XKR6: variants seen among roughly 807,000 people sequenced by gnomAD.
The protein encoded by XKR6 is XK-related protein 6.
In XKR6, 22 loss-of-function variants were observed where a neutral mutation model predicts 56.7. The ratio of observed to expected loss-of-function variants is 0.39; its 90% CI spans 0.28 to 0.55. XKR6 has a LOEUF of 0.55. Among genes scored for constraint, XKR6 ranks in the 20% least tolerant of loss-of-function variants. The probability of loss-of-function intolerance (pLI) is 0.66; values close to 1 mark genes in which losing one functional copy is unlikely to be tolerated. For synonymous variants in XKR6, 524 were observed against 387.8 expected (o/e 1.35, Z -4.13); for missense variants, 852 against 889.0 (o/e 0.96, Z 0.53).
Position 11,201,322 on chromosome 8 carries a change from A to G in XKR6, c.18T>C (p.Asp6=). 7.4e-7 allele frequency: 1 copy of G among 1,356,564 alleles called. No individual in the cohort carries two copies. Among genetic ancestry groups the G allele is most frequent in the East Asian group, 4.7e-5 (1 of 21,394 alleles). The allele number at this position is 1,356,564 out of a possible 1,614,324, so 84.0% of individuals were successfully genotyped here. ...CGAAGCCCACCCCCACGCCACCGCC[A>G]TCGGATTTCGCCGCCATCTTGACTC... The part of the protein sequence containing the change: MAAKS[D]GGGVGVGFAQ... Residue 6 remains aspartate (D), a synonymous_variant, in exon 1 of 3, where the codon GAT becomes GAC. Coordinates refer to ENST00000416569, the MANE Select transcript of XKR6 (RefSeq NM_173683.4).
chr8:11,125,669 A>C (rs1190420217), intron 1 of XKR6: 1 of 152,204 alleles, frequency 6.6e-6, no homozygotes, highest in Non-Finnish European at 1.5e-5. Flanking sequence ...ATTGCAGTAC[A>C]AATTCCATAC....
intron 1 of XKR6, among the ~76,000 whole-genome samples, chr8:10,985,070 G>A (rs1025676074): frequency 1.3e-5 from 2 of 151,962 alleles, no homozygotes; most frequent in African/African-American, 4.8e-5. Context: ...CTCCAGAGTA[G>A]CTGGGATTAC....
chr8:11,164,435 A>C (rs757516422), intron 1 of XKR6, among the ~76,000 whole-genome samples: 10 of 152,118 alleles, frequency 6.6e-5, no homozygotes, highest in Non-Finnish European at 1.5e-4. Flanking sequence ...ACGTTATTCT[A>C]AGTCTTCTCC....
At chr8:10,978,341 T>C (rs978463016) in intron 1 of XKR6, among the ~76,000 whole-genome samples, 2 of 152,228 alleles carry the variant, frequency 1.3e-5, no homozygotes, top group African/African-American at 4.8e-5. Context: ...CACTGGCCAA[T>C]TTGAGAAACT....
At chr8:10,942,564 C>T (rs1173498562) in intron 1 of XKR6, among the ~76,000 whole-genome samples, 1 of 152,236 alleles carries the variant, frequency 6.6e-6, no homozygotes, top group African/African-American at 2.4e-5. Context: ...AAAAGCCAAA[C>T]TCACATTCAG....
intron 1 of XKR6, among the ~76,000 whole-genome samples, chr8:10,984,732 C>CTCTCTCTCTCTCTCTCTCTA: frequency 2.1e-5 from 1 of 47,494 alleles, no homozygotes; most frequent in Non-Finnish European, 4.2e-5. Context: ...CTCTCTCTCT[C>CTCTCTCTCTCTCTCTCTCTA]TATATATATA....
chr8:11,106,641 G>T (rs529446717), intron 1 of XKR6: 1 of 152,166 alleles, frequency 6.6e-6, no homozygotes, highest in Non-Finnish European at 1.5e-5. Context: ...TTGAGGTCAG[G>T]AGTTCAAGAT....
intron 1 of XKR6, among the ~76,000 whole-genome samples, chr8:10,998,859 C>G (rs915120820): frequency 6.6e-6 from 1 of 152,184 alleles, no homozygotes; most frequent in African/African-American, 2.4e-5. Flanking sequence ...AGCATGGCAG[C>G]AAGGGAGAAG....
intron 1 of XKR6, among the ~76,000 whole-genome samples, chr8:10,998,531 C>G (rs1798167260): frequency 6.6e-6 from 1 of 152,182 alleles, no homozygotes. Flanking sequence ...AAATTTGATT[C>G]AGATTTATTA....
chr8:10,897,988 G>T lies in XKR6; in HGVS notation c.1890C>A (p.Leu630=). Residue 630 remains leucine, a synonymous_variant, in exon 3 of 3, where the codon CTC becomes CTA. Coordinates refer to ENST00000416569, the MANE Select transcript of XKR6 (RefSeq NM_173683.4). ...AVGIRYRDGP[L]LYELLQYESS... ...ACTCATACTGTAGCAACTCATAGAG[G>T]AGTGGTCCGTCTCGATATCGAATGC... 1 of 1,606,606 alleles carries T rather than the reference G, an allele frequency of 6.2e-7. No homozygotes were observed. The highest frequency in any genetic ancestry group is 8.5e-7 in the Non-Finnish European group (1 of 1,176,732).
At chr8:11,061,823 C>T (rs1371027267) in intron 1 of XKR6, among the ~76,000 whole-genome samples, 2 of 152,144 alleles carry the variant, frequency 1.3e-5, no homozygotes, top group Non-Finnish European at 1.5e-5. Flanking sequence ...GGAGGGCAGC[C>T]ATCGGTGATG....
chr8:11,100,519 G>A (rs1798430948), intron 1 of XKR6, among the ~76,000 whole-genome samples: 2 of 152,200 alleles, frequency 1.3e-5, no homozygotes, highest in South Asian at 4.1e-4. Context: ...CGAAGTGGCT[G>A]GGAGGATGGC....
chr8:11,114,093 C>A, intron 1 of XKR6: 1 of 441,412 alleles, frequency 2.3e-6, no homozygotes, highest in Non-Finnish European at 4.5e-6. Context: ...TCGCTTAGAG[C>A]TAAAAATAAA....
At chr8:10,970,633 G>GTGTT (rs1481448904) in intron 1 of XKR6, among the ~76,000 whole-genome samples, 1 of 151,976 alleles carries the variant, frequency 6.6e-6, no homozygotes, top group Admixed American at 6.6e-5. Context: ...GTGATTCTCA[G>GTGTT]TGTTTTTCCT....
At chr8:10,993,871 C>T (rs73539338) in intron 1 of XKR6, among the ~76,000 whole-genome samples, 5,262 of 152,304 alleles carry the variant, frequency 0.035, 263 homozygotes, top group African/African-American at 0.11. Flanking sequence ...TAGCCCTATA[C>T]CTGCAGCCTC....
At chr8:10,954,866 C>CTCTTTTTTTTTTTTTTTTTTT (rs1563309729) in intron 1 of XKR6, among the ~76,000 whole-genome samples, 7 of 92,794 alleles carry the variant, frequency 7.5e-5, no homozygotes, top group Non-Finnish European at 1.5e-4. Context: ...ACTTCATTCT[C>CTCTTTTTTTTTTTTTTTTTTT]TTTTTTTTTT....
intron 1 of XKR6, among the ~76,000 whole-genome samples, chr8:10,933,114 T>C (rs1230140252): frequency 9.3e-5 from 14 of 151,246 alleles, no homozygotes; most frequent in South Asian, 2.1e-4. Context: ...TGATATCTCA[T>C]AGTGGTTTTG....
At chr8:11,004,899 C>A (rs774309602) in intron 1 of XKR6, among the ~76,000 whole-genome samples, 6 of 152,076 alleles carry the variant, frequency 3.9e-5, no homozygotes, top group Admixed American at 3.3e-4. Context: ...CATGGATGAA[C>A]CTTGCAGACC....
intron 1 of XKR6, among the ~76,000 whole-genome samples, chr8:11,016,620 G>A (rs1798629668): frequency 6.6e-6 from 1 of 152,178 alleles, no homozygotes; most frequent in African/African-American, 2.4e-5. Context: ...CCCTCGGTAG[G>A]GGGCGTTCCA....
Sources: gnomAD v4.1 joint callset for allele counts (sites outside exome capture counted in the v4.1 genomes callset) on GRCh38, gnomAD v4.1.1 for gene constraint, MANE v1.5 for transcripts, NCBI Gene and HGNC (gene_info 2026-07-23, HGNC 2026-07-21) for gene names.